ERCC6: variants seen among roughly 807,000 people sequenced by gnomAD.
The protein encoded by ERCC6 is DNA excision repair protein ERCC-6.
Under a neutral mutation model 158.7 loss-of-function variants are expected in ERCC6, and 116 were observed. The observed-to-expected ratio is 0.73, with a 90% CI of 0.63 to 0.85. The LOEUF is 0.85. ERCC6 is among the 40% of genes least tolerant of loss of function. The probability of loss-of-function intolerance (pLI) is 0.00; values close to 1 mark genes in which losing one functional copy is unlikely to be tolerated. For missense variants in ERCC6, 1,698 were observed against 1,799.4 expected (o/e 0.94, Z 1.02); for synonymous variants, 678 against 659.3 (o/e 1.03, Z -0.43).
chr10:49,500,496 A>C (rs751489733), intron 7 of ERCC6, 42 bp downstream of exon 7: 4 of 1,600,218 alleles, frequency 2.5e-6, no homozygotes, highest in East Asian at 4.5e-5. Flanking sequence ...ATGAAATATT[A>C]ATTGAGCTCC....
At chr10:49,494,404 A>C (rs994016289) in intron 7 of ERCC6, among the ~76,000 whole-genome samples, 1 of 152,256 alleles carries the variant, frequency 6.6e-6, no homozygotes, top group Non-Finnish European at 1.5e-5. Flanking sequence ...AGAAGTTAAT[A>C]AACTAGAAAA....
chr10:49,472,886 T>C (rs754750237), intron 15 of ERCC6, 23 bp downstream of exon 15: 3 of 1,608,778 alleles, frequency 1.9e-6, no homozygotes, highest in African/African-American at 2.7e-5. Flanking sequence ...ATACATTCTT[T>C]TAAAAAAAAA....
the ERCC6 span, among the ~76,000 whole-genome samples, chr10:49,443,532 A>ACCCTACTGC: frequency 6.6e-6 from 1 of 152,158 alleles, no homozygotes; most frequent in Non-Finnish European, 1.5e-5. Context: ...GTTGTAAACA[A>ACCCTACTGC]CCCTACTGCA....
Position 49,532,762 on chromosome 10 carries a change from C to T in ERCC6, c.203G>A (p.Arg68Lys), listed in dbSNP as rs1340348389. The change falls in exon 2 of 21, where the codon AGA becomes AAA. Residue 68 changes from arginine to lysine, a missense_variant. Physicochemically the swap from Arg to Lys is conservative, Grantham distance 26. Coordinates refer to ENST00000355832, the MANE Select transcript of ERCC6 (RefSeq NM_000124.4). The part of the protein sequence containing the change: ...AVGCASAAPR[R>K]GPALLHIDRH... ...GTCGATGTGCAGCAGGGCTGGCCCT[C>T]TCCTCGGAGCTGCTGATGCGCACCC... 2 of 1,614,252 alleles carry T rather than the reference C, an allele frequency of 1.2e-6. No individual in the cohort carries two copies. The highest frequency in any genetic ancestry group is 2.2e-5 in the East Asian group (1 of 44,886).
intron 10 of ERCC6, among the ~76,000 whole-genome samples, chr10:49,478,988 T>C (rs894241033): frequency 2.0e-5 from 3 of 152,146 alleles, no homozygotes; most frequent in South Asian, 4.1e-4. Flanking sequence ...CACTGGAGAC[T>C]TACAAGAGTA....
chr10:49,515,795 T>C, intron 5 of ERCC6: 1 of 1,614,208 alleles, frequency 6.2e-7, no homozygotes, highest in Non-Finnish European at 8.5e-7. Context: ...TCTTTTTCAG[T>C]TTCTGGGAGT....
chr10:49,444,148 G>A, the ERCC6 span, among the ~76,000 whole-genome samples: 1 of 152,194 alleles, frequency 6.6e-6, no homozygotes, highest in Non-Finnish European at 1.5e-5. Flanking sequence ...TTGCCATGCA[G>A]AGACCTTTGT....
At chr10:49,459,976 G>C (rs1249205213) in intron 20 of ERCC6, 1 of 297,282 alleles carries the variant, frequency 3.4e-6, no homozygotes, top group Non-Finnish European at 6.4e-6. Context: ...GAGAAAGACA[G>C]GCACTCTGCT....
At position 49,455,374 on chromosome 10, in the gene ERCC6, ACAC is replaced by A. The variant is rs1850468457; in HGVS notation, c.*3438_*3440del. 6.6e-6 allele frequency: 1 copy of A among 152,358 alleles called. No homozygotes were observed. Among genetic ancestry groups the A allele is most frequent in the African/African-American group, 2.4e-5 (1 of 41,586 alleles). The allele number at this position is 152,358 out of a possible 1,614,324, so 9.4% of individuals were successfully genotyped here. ...AACAAATGCAATCCTAGTCAAAAGA[ACAC>A]CACAATTTTACTGGAATTTAATAAA... is the stretch of plus-strand genomic sequence containing the variant. On this transcript the variant is annotated 3_prime_UTR_variant, in exon 21 of 21. Transcript: ENST00000355832.
chr10:49,479,446 T>C (rs982302326), intron 10 of ERCC6, among the ~76,000 whole-genome samples: 1 of 152,206 alleles, frequency 6.6e-6, no homozygotes, highest in Non-Finnish European at 1.5e-5. Context: ...TGCGTAAATA[T>C]TAAAATAGGC....
At chr10:49,534,543 A>C (rs1204119744) in intron 1 of ERCC6, among the ~76,000 whole-genome samples, 2 of 152,230 alleles carry the variant, frequency 1.3e-5, no homozygotes, top group Non-Finnish European at 2.9e-5. Flanking sequence ...TATCCTGCAC[A>C]CAGAATGATC....
chr10:49,515,513 G>T (rs1224251788), intron 5 of ERCC6: 1 of 1,613,902 alleles, frequency 6.2e-7, no homozygotes, highest in Admixed American at 1.7e-5. Flanking sequence ...TTCCTTTTTG[G>T]CCAGGTTCTG....
rs4838520 is a variant in ERCC6 at position 49,463,870 on chromosome 10, C to T, written c.3779-2314G>A. Among the ~76,000 whole-genome samples the T allele has an allele frequency of 1.7e-3, 254 of 152,328 alleles. 1 individual carries two copies. Among genetic ancestry groups the T allele is most frequent in the Middle Eastern group, 6.8e-3 (2 of 294 alleles). On this transcript the variant is annotated intron_variant, in intron 18 of 20. Coordinates refer to ENST00000355832, the MANE Select transcript of ERCC6 (RefSeq NM_000124.4). Reference sequence around the variant, plus strand: ...GTGAGGCCTCCACAGCCACACAGAACTGTAAGTTGATTAAACCTCTTTCTT... The same window carrying T: ...GTGAGGCCTCCACAGCCACACAGAATTGTAAGTTGATTAAACCTCTTTCTT...
chr10:49,467,834 A>G (rs1041419321), intron 18 of ERCC6, among the ~76,000 whole-genome samples: 2 of 151,954 alleles, frequency 1.3e-5, no homozygotes, highest in African/African-American at 4.8e-5. Flanking sequence ...CTCTCAAAGC[A>G]CTGGGATTAC....
At chr10:49,487,605 T>TAGA (rs1851098963) in intron 8 of ERCC6, among the ~76,000 whole-genome samples, 1 of 152,148 alleles carries the variant, frequency 6.6e-6, no homozygotes, top group South Asian at 2.1e-4. Flanking sequence ...CTGCGACCTT[T>TAGA]AGAAGCCAAA....
intron 4 of ERCC6, among the ~76,000 whole-genome samples, chr10:49,526,128 T>C (rs1468511634): frequency 6.6e-5 from 1 of 15,164 alleles, no homozygotes; most frequent in East Asian, 1.6e-3. Context: ...TATATATATA[T>C]ATATATATAT....
At chr10:49,469,733 T>G (rs1173337414) in intron 18 of ERCC6, among the ~76,000 whole-genome samples, 10 of 152,166 alleles carry the variant, frequency 6.6e-5, no homozygotes, top group Non-Finnish European at 1.2e-4. Flanking sequence ...AATTGTTGAG[T>G]CTACATCTCC....
chr10:49,513,261 A>C (rs980698971), intron 5 of ERCC6, among the ~76,000 whole-genome samples: 1 of 152,172 alleles, frequency 6.6e-6, no homozygotes, highest in Non-Finnish European at 1.5e-5. Flanking sequence ...TCTAACCCCT[A>C]TGCTATATAC....
chr10:49,526,222 C>T lies in ERCC6; in HGVS notation c.653-1445G>A, dbSNP rs78989372. ...TTTCCAAAGTGTTACGTTCCAAAGT[C>T]CCCATCAACTGTGTCAGAAAGTTCC... On this transcript the variant is annotated intron_variant, in intron 4 of 20. Coordinates refer to ENST00000355832, the MANE Select transcript of ERCC6 (RefSeq NM_000124.4). Among the ~76,000 whole-genome samples the T allele has an allele frequency of 2.9e-3, 421 of 147,512 alleles. 2 individuals are homozygous for T. The highest frequency in any genetic ancestry group is 5.0e-3 in the Admixed American group (74 of 14,772).
Sources: allele counts gnomAD v4.1 joint callset (sites outside exome capture counted in the v4.1 genomes callset), GRCh38; gene constraint gnomAD v4.1.1; transcripts MANE v1.5; gene names NCBI Gene and HGNC (gene_info 2026-07-23, HGNC 2026-07-21).